MAP3K20: variants seen among roughly 807,000 people sequenced by gnomAD.
MAP3K20 encodes the protein HCCS-4.
A neutral mutation model predicts 85.7 loss-of-function variants in MAP3K20; 40 were observed. The ratio of observed to expected loss-of-function variants is 0.47; its 90% CI spans 0.36 to 0.61. The LOEUF (loss-of-function observed/expected upper bound fraction) is 0.61. Ranked by LOEUF, MAP3K20 falls within the 20% of genes least tolerant of loss-of-function variation. MAP3K20 has a pLI of 0.00. For missense variants in MAP3K20, 817 were observed against 961.7 expected, an observed-to-expected ratio of 0.85 and a Z score of 1.99; for synonymous variants, 325 against 327.7, an observed-to-expected ratio of 0.99 and a Z score of 0.09.
chr2:173,259,254 T>TA (rs1685233197), intron 17 of MAP3K20, among the ~76,000 whole-genome samples: 1 of 152,176 alleles, frequency 6.6e-6, no homozygotes, highest in Non-Finnish European at 1.5e-5. Context: ...AGTGAAGTCT[T>TA]AATGGCTTCC....
In MAP3K20 at chr2:173,229,607, A is replaced by G. The variant is rs1684472818; in HGVS notation, c.988-82A>G. On this transcript the variant is annotated intron_variant, in intron 11 of 19. Transcript: ENST00000375213. Reference sequence around the variant, plus strand: ...AAGCCAGAGCAGCAGCTGAGAGCTGAAAGAGTGAGACAAGAGGATGAACCA... The same window carrying G: ...AAGCCAGAGCAGCAGCTGAGAGCTGGAAGAGTGAGACAAGAGGATGAACCA... 12 of 1,579,914 alleles carry G rather than the reference A, an allele frequency of 7.6e-6. No homozygotes were observed. In the Middle Eastern group the frequency reaches 1.5e-3, roughly 198 times the overall value.
At chr2:173,110,892 C>T (rs948779436) in intron 2 of MAP3K20, among the ~76,000 whole-genome samples, 11 of 152,142 alleles carry the variant, frequency 7.2e-5, no homozygotes, top group South Asian at 2.1e-4. Context: ...TATAAACATG[C>T]GTGTGTAAGT....
At chr2:173,093,754 T>C (rs538316116) in intron 2 of MAP3K20, among the ~76,000 whole-genome samples, 2,428 of 152,162 alleles carry the variant, frequency 0.016, 36 homozygotes, top group South Asian at 0.029. Context: ...TGTCCAACAA[T>C]GATAGACTGG....
In MAP3K20 at chr2:173,206,782, G is replaced by C. The variant is rs3769158; in HGVS notation, c.744+2912G>C. 1.4e-3 allele frequency among the ~76,000 whole-genome samples: 215 copies of C among 152,326 alleles called. 4 individuals carry two copies. The East Asian group carries it at 0.034, about 24-fold the overall frequency. On this transcript the variant is annotated intron_variant, in intron 9 of 19. Coordinates refer to ENST00000375213, the MANE Select transcript of MAP3K20 (RefSeq NM_016653.3). ...ATTGCACATTACATCAATTTGGAAA[G>C]TGGATGCCAAATTTGTTGTTGCCTG...
chr2:173,107,727 T>A (rs1687823797), intron 2 of MAP3K20, among the ~76,000 whole-genome samples: 1 of 152,144 alleles, frequency 6.6e-6, no homozygotes, highest in Non-Finnish European at 1.5e-5. Flanking sequence ...CACCAAGCCT[T>A]AGTTTCCTTT....
chr2:173,221,474 G>C, intron 11 of MAP3K20: 2 of 1,581,490 alleles, frequency 1.3e-6, no homozygotes, highest in Non-Finnish European at 1.7e-6. Flanking sequence ...AGAAGGTGAC[G>C]ATGATGATGA....
chr2:173,245,390 C>A (rs1182299955), intron 16 of MAP3K20, among the ~76,000 whole-genome samples: 1 of 152,140 alleles, frequency 6.6e-6, no homozygotes, highest in African/African-American at 2.4e-5. Context: ...GGCTGCAGGG[C>A]CATCTTGCCC....
intron 2 of MAP3K20, among the ~76,000 whole-genome samples, chr2:173,113,019 A>G (rs570794835): frequency 6.6e-6 from 1 of 152,244 alleles, no homozygotes; most frequent in African/African-American, 2.4e-5. Context: ...TGTCTGCTAG[A>G]ATTCTGCTGT....
At chr2:173,124,569 G>A (rs2106192004) in intron 2 of MAP3K20, among the ~76,000 whole-genome samples, 1 of 152,294 alleles carries the variant, frequency 6.6e-6, no homozygotes, top group Admixed American at 6.5e-5. Flanking sequence ...GGTTGGAATT[G>A]TTCCATGAAA....
intron 8 of MAP3K20, among the ~76,000 whole-genome samples, chr2:173,200,703 G>A (rs1020903182): frequency 1.1e-4 from 16 of 152,272 alleles, no homozygotes; most frequent in African/African-American, 3.8e-4. Context: ...GACTGAGGTA[G>A]GAGGATCCCT....
intron 2 of MAP3K20, among the ~76,000 whole-genome samples, chr2:173,121,282 T>A (rs1688278436): frequency 1.3e-5 from 2 of 152,210 alleles, no homozygotes; most frequent in African/African-American, 4.8e-5. Context: ...TGTGAAGTGG[T>A]TTCCTTTGTC....
Position 173,267,976 on chromosome 2 carries a change from T to C in MAP3K20, c.*1226T>C, listed in dbSNP as rs1480662959. 5 of 152,216 alleles carry C rather than the reference T, an allele frequency of 3.3e-5. No individual in the cohort carries two copies. The highest frequency in any genetic ancestry group is 1.9e-4 in the East Asian group (1 of 5,194). 9.4% of individuals were successfully genotyped at this position (152,216 alleles called of 1,614,324 possible). ...AAAAAGTCAGGTAGCAACAAACTTA[T>C]TGTATGTCAAATCAATAAATGTTAC... is the stretch of plus-strand genomic sequence containing the variant. On this transcript the variant is annotated 3_prime_UTR_variant, in exon 20 of 20. Transcript: ENST00000375213.
intron 2 of MAP3K20, among the ~76,000 whole-genome samples, chr2:173,123,290 C>T (rs546883278): frequency 2.0e-3 from 311 of 151,870 alleles, no homozygotes; most frequent in Non-Finnish European, 2.3e-3. Context: ...GCCTGATGTG[C>T]TGTATATTTC....
intron 11 of MAP3K20, among the ~76,000 whole-genome samples, chr2:173,218,987 G>A (rs763167061): frequency 6.6e-6 from 1 of 152,148 alleles, no homozygotes; most frequent in Admixed American, 6.5e-5. Context: ...CAATCTCAAT[G>A]AGATTTTCTT....
intron 19 of MAP3K20, among the ~76,000 whole-genome samples, chr2:173,264,836 CGGTCAGG>C (rs1558918439): frequency 1.3e-5 from 2 of 151,684 alleles, no homozygotes; most frequent in Admixed American, 6.6e-5. Flanking sequence ...TAACAAGTGG[CGGTCAGG>C]GGGCAGGGGA....
At chr2:173,168,792 T>A (rs1689914163) in intron 2 of MAP3K20, among the ~76,000 whole-genome samples, 2 of 152,240 alleles carry the variant, frequency 1.3e-5, no homozygotes. Context: ...ATAAAAGTCA[T>A]AAAATATTGA....
chr2:173,120,794 G>A (rs1054929571), intron 2 of MAP3K20, among the ~76,000 whole-genome samples: 19 of 129,530 alleles, frequency 1.5e-4, no homozygotes, highest in African/African-American at 4.3e-4. Context: ...TGCAACCTCC[G>A]CTTCCCGGGT....
chr2:173,184,773 G>A (rs1378355358), intron 4 of MAP3K20, among the ~76,000 whole-genome samples: 1 of 152,026 alleles, frequency 6.6e-6, no homozygotes, highest in African/African-American at 2.4e-5. Flanking sequence ...AGCTGGGCGT[G>A]GTGGTGCACT....
intron 11 of MAP3K20, chr2:173,222,297 A>AT: frequency 2.0e-6 from 2 of 985,928 alleles, no homozygotes; most frequent in Non-Finnish European, 2.4e-6. Flanking sequence ...CTCTTCAGAA[A>AT]TACCTAAGTG....
Sources: allele counts gnomAD v4.1 joint callset (sites outside exome capture counted in the v4.1 genomes callset), GRCh38; gene constraint gnomAD v4.1.1; transcripts MANE v1.5; gene names NCBI Gene and HGNC (gene_info 2026-07-23, HGNC 2026-07-21).